Variants in LUC7L2 observed in about 807,000 individuals in gnomAD.
LUC7L2 encodes the protein putative RNA-binding protein Luc7-like 2.
A neutral mutation model predicts 52.8 loss-of-function variants in LUC7L2; 25 were observed. The ratio of observed to expected loss-of-function variants is 0.47; its 90% CI spans 0.34 to 0.66. The LOEUF is 0.66. LUC7L2 is among the 30% of genes least tolerant of loss of function. LUC7L2 has a pLI of 0.01. For synonymous variants in LUC7L2, 144 were observed against 160.9 expected, an observed-to-expected ratio of 0.89 and a Z score of 0.80; for missense variants, 328 against 497.8, an observed-to-expected ratio of 0.66 and a Z score of 3.25.
chr7:139,389,125 A>G (rs1469037704), intron 2 of LUC7L2, among the ~76,000 whole-genome samples: 1 of 146,258 alleles, frequency 6.8e-6, no homozygotes, highest in African/African-American at 2.6e-5. Context: ...TTCTAATTTG[A>G]CCCCAGTGGC....
intron 3 of LUC7L2, among the ~76,000 whole-genome samples, chr7:139,400,480 T>G (rs1191312710): frequency 6.6e-6 from 1 of 152,164 alleles, no homozygotes; most frequent in East Asian, 1.9e-4. Flanking sequence ...GTGCTCCAGC[T>G]TGGGGGACAG....
chr7:139,420,318 C>G (rs576336994), intron 9 of LUC7L2, among the ~76,000 whole-genome samples: 24 of 152,292 alleles, frequency 1.6e-4, no homozygotes, highest in African/African-American at 4.6e-4. Flanking sequence ...ATTCTTTTGC[C>G]TCGGCCTCCC....
intron 2 of LUC7L2, chr7:139,392,391 AG>A: frequency 2.7e-6 from 1 of 375,198 alleles, no homozygotes; most frequent in Non-Finnish European, 5.2e-6. Context: ...TCAAAAGAAA[AG>A]TTAAAAATTC....
chr7:139,359,798 G>T (rs1381036095), upstream of LUC7L2: 5 of 403,932 alleles, frequency 1.2e-5, no homozygotes, highest in African/African-American at 1.0e-4. Flanking sequence ...AGCCGTTAGG[G>T]TGGAACTCCA....
intron 1 of LUC7L2, among the ~76,000 whole-genome samples, chr7:139,363,837 A>G (rs1180072676): frequency 2.0e-5 from 3 of 152,170 alleles, no homozygotes; most frequent in Non-Finnish European, 2.9e-5. Context: ...GATTAATTGC[A>G]AGGATGTTCC....
intron 2 of LUC7L2, among the ~76,000 whole-genome samples, chr7:139,384,586 T>C (rs1433524859): frequency 1.3e-5 from 2 of 152,246 alleles, no homozygotes; most frequent in Non-Finnish European, 2.9e-5. Flanking sequence ...AACAGTGCTT[T>C]AAAAGATTGC....
intron 2 of LUC7L2, among the ~76,000 whole-genome samples, chr7:139,380,120 A>C (rs1236592202): frequency 4.6e-5 from 7 of 151,764 alleles, no homozygotes; most frequent in African/African-American, 1.7e-4. Flanking sequence ...TAAAGGTTGC[A>C]GTGAGCCGAG....
intron 1 of LUC7L2, among the ~76,000 whole-genome samples, chr7:139,350,631 C>G (rs1160812359): frequency 6.6e-6 from 1 of 151,202 alleles, no homozygotes; most frequent in Admixed American, 6.6e-5. Flanking sequence ...GCATTTGACA[C>G]TATGGGCAAT....
chr7:139,340,678 T>C (rs1798893251), intron 1 of LUC7L2: 2 of 394,644 alleles, frequency 5.1e-6, no homozygotes, highest in African/African-American at 2.1e-5. Flanking sequence ...GAATATGTTG[T>C]GTGAGCGCGT....
chr7:139,360,494 G>T (rs1358353620), intron 1 of LUC7L2, among the ~76,000 whole-genome samples, 172 bp downstream of exon 1: 1 of 152,234 alleles, frequency 6.6e-6, no homozygotes, highest in Non-Finnish European at 1.5e-5. Context: ...AGGCGGGCAG[G>T]GGGGGCGGTG....
intron 1 of LUC7L2, chr7:139,344,917 G>A (rs1165587584): frequency 6.8e-6 from 1 of 147,874 alleles, no homozygotes; most frequent in Admixed American, 6.8e-5. Context: ...GTTTCACCGT[G>A]TTAGCCAGGA....
At chr7:139,387,150 G>A (rs374578502) in intron 2 of LUC7L2, among the ~76,000 whole-genome samples, 8 of 151,902 alleles carry the variant, frequency 5.3e-5, no homozygotes, top group African/African-American at 9.7e-5. Flanking sequence ...AGAGCATTTT[G>A]AGAATACATG....
In LUC7L2 at chr7:139,344,695, CTTTTTTT is replaced by C. The variant is rs1026301999; in HGVS notation, c.-26+4194_-26+4200del. ...CAGACAAAAGTTTTCAATTTTCTTT[CTTTTTTT>C]TTTTTTTTTTTTTTTGTTGAGATGG... On this transcript the variant is annotated intron_variant, in intron 1 of 10. Transcript: ENST00000541170. Among the ~76,000 whole-genome samples, 31 of 116,364 alleles carry C rather than the reference CTTTTTTT, an allele frequency of 2.7e-4. 1 individual carries two copies. The highest frequency in any genetic ancestry group is 7.0e-4 in the Admixed American group (7 of 10,028). 76.3% of individuals were successfully genotyped at this position (116,364 alleles called of 152,430 possible).
intron 2 of LUC7L2, among the ~76,000 whole-genome samples, chr7:139,397,743 G>A (rs1794724564): frequency 6.6e-6 from 1 of 152,130 alleles, no homozygotes; most frequent in Admixed American, 6.6e-5. Context: ...TATAAAAATG[G>A]ATAGATTTTT....
intron 1 of LUC7L2, among the ~76,000 whole-genome samples, chr7:139,347,648 G>A (rs1412774977): frequency 2.0e-5 from 3 of 151,498 alleles, no homozygotes; most frequent in South Asian, 4.2e-4. Flanking sequence ...TAAAATAATA[G>A]TATTAATAGG....
At chr7:139,409,132 C>T (rs919758470) in intron 6 of LUC7L2, among the ~76,000 whole-genome samples, 1 of 151,394 alleles carries the variant, frequency 6.6e-6, no homozygotes, top group African/African-American at 2.4e-5. Context: ...GTAAGACTGT[C>T]TCTAAAAAAA....
chr7:139,383,265 G>A (rs1453202675), intron 2 of LUC7L2, among the ~76,000 whole-genome samples: 1 of 151,012 alleles, frequency 6.6e-6, no homozygotes, highest in Non-Finnish European at 1.5e-5. Context: ...ACAGGCATGC[G>A]CCACCACACC....
chr7:139,392,391 A>G, intron 2 of LUC7L2: 2 of 375,198 alleles, frequency 5.3e-6, no homozygotes, highest in South Asian at 3.9e-5. Flanking sequence ...TCAAAAGAAA[A>G]GTTAAAAATT....
chr7:139,359,230 C>CT (rs1799725168), upstream of LUC7L2: 1 of 152,232 alleles, frequency 6.6e-6, no homozygotes, highest in Admixed American at 6.5e-5. Context: ...TGAGAATACG[C>CT]TGAGTTTTTA....
Sources: gnomAD v4.1 joint callset for allele counts (sites outside exome capture counted in the v4.1 genomes callset) on GRCh38, gnomAD v4.1.1 for gene constraint, MANE v1.5 for transcripts, NCBI Gene and HGNC (gene_info 2026-07-23, HGNC 2026-07-21) for gene names.